The following TBC1D22B variants were observed in gnomAD, a reference collection of about 807,000 sequenced individuals.
TBC1D22B encodes chromosome 6 open reading frame 197.
In TBC1D22B, 32 loss-of-function variants were observed where a neutral mutation model predicts 69.1. The observed-to-expected ratio is 0.46, with a 90% CI of 0.35 to 0.62. The LOEUF (loss-of-function observed/expected upper bound fraction) is 0.62, where lower values mean the gene tolerates loss of function less well. TBC1D22B is among the 20% of genes least tolerant of loss of function. TBC1D22B has a pLI of 0.00. For synonymous variants in TBC1D22B, 206 were observed against 229.8 expected, an observed-to-expected ratio of 0.90 and a Z score of 0.94; for missense variants, 462 against 630.9, an observed-to-expected ratio of 0.73 and a Z score of 2.87.
chr6:37,292,617 T>G (rs1366083481), intron 8 of TBC1D22B, among the ~76,000 whole-genome samples: 1 of 152,196 alleles, frequency 6.6e-6, no homozygotes, highest in Non-Finnish European at 1.5e-5. Flanking sequence ...TCTAAAATAG[T>G]ATTGAAGAAT....
intron 1 of TBC1D22B, among the ~76,000 whole-genome samples, chr6:37,258,425 G>A (rs1475859317): frequency 6.6e-6 from 1 of 152,176 alleles, no homozygotes; most frequent in Non-Finnish European, 1.5e-5. Context: ...GGATTCCGGT[G>A]GGAGTTTGGG....
At chr6:37,261,453 A>T (rs939432236) in intron 1 of TBC1D22B, among the ~76,000 whole-genome samples, 3 of 149,066 alleles carry the variant, frequency 2.0e-5, no homozygotes, top group Non-Finnish European at 4.5e-5. Flanking sequence ...AAAAAAAAAA[A>T]TGCAGGCTCT....
intron 8 of TBC1D22B, among the ~76,000 whole-genome samples, chr6:37,305,283 T>A (rs1767677176): frequency 6.6e-6 from 1 of 152,222 alleles, no homozygotes; most frequent in African/African-American, 2.4e-5. Context: ...CCTTTTCTGC[T>A]TTTTAAAATG....
chr6:37,328,539 C>A lies in TBC1D22B; in HGVS notation c.1390-2505C>A, dbSNP rs187107973. On this transcript the variant is annotated intron_variant, in intron 12 of 12. Transcript: ENST00000373491. The stretch of plus-strand genomic sequence containing the variant: ...AAAATTCTTTGGATATTGAAAATAT[C>A]TACAAGGAATTTTTAATATTAGAGG... 3.3e-5 allele frequency among the ~76,000 whole-genome samples: 5 copies of A among 152,052 alleles called. No homozygotes were observed. In the East Asian group the frequency reaches 9.7e-4, roughly 29 times the overall value.
At chr6:37,322,512 G>A (rs1251024087) in intron 12 of TBC1D22B, among the ~76,000 whole-genome samples, 1 of 152,146 alleles carries the variant, frequency 6.6e-6, no homozygotes, top group Admixed American at 6.5e-5. Context: ...GTGAGACTCT[G>A]TCTCAAAAAA....
In TBC1D22B at chr6:37,331,148, T is replaced by C; in HGVS notation, c.1494T>C (p.Asp498=). 1 of 1,614,176 alleles carries C rather than the reference T, an allele frequency of 6.2e-7. No homozygotes were observed. Among genetic ancestry groups the C allele is most frequent in the Non-Finnish European group, 8.5e-7 (1 of 1,180,010 alleles). Residue 498 remains aspartate, a synonymous_variant, in exon 13 of 13, where the codon GAT becomes GAC. Coordinates refer to ENST00000373491, the MANE Select transcript of TBC1D22B (RefSeq NM_017772.4). The part of the protein sequence containing the change: ...EAYRLKYMFA[D]APNHYRR ...ACAGACTCAAGTACATGTTTGCCGA[T>C]GCCCCAAATCACTACCGCCGATAGG...
At chr6:37,330,895 T>G in intron 12 of TBC1D22B, 149 bp from the exon 13 acceptor site, 1 of 751,582 alleles carries the variant, frequency 1.3e-6, no homozygotes, top group Non-Finnish European at 2.2e-6. Context: ...GAAAGCTGTG[T>G]ACTGTTTGGG....
intron 12 of TBC1D22B, among the ~76,000 whole-genome samples, chr6:37,329,511 G>A (rs369309107): frequency 3.9e-5 from 6 of 152,344 alleles, no homozygotes; most frequent in African/African-American, 7.2e-5. Context: ...TAGAAGCAGA[G>A]TTGCTGGATG....
At chr6:37,277,331 A>G (rs562930866) in intron 2 of TBC1D22B, among the ~76,000 whole-genome samples, 9 of 152,312 alleles carry the variant, frequency 5.9e-5, no homozygotes, top group African/African-American at 2.2e-4. Context: ...TCGACAGCGA[A>G]TCCCCTGAGG....
chr6:37,266,292 GTATTCTTTCAGATACTCTGA>G (rs1766267936), intron 1 of TBC1D22B, among the ~76,000 whole-genome samples: 1 of 151,968 alleles, frequency 6.6e-6, no homozygotes, highest in South Asian at 2.1e-4. Flanking sequence ...AGTGTCTTTT[GTATTCTTTCAGATACTCTGA>G]TATTCTTTCA....
At chr6:37,271,173 C>T (rs990666307) in intron 2 of TBC1D22B, among the ~76,000 whole-genome samples, 1 of 151,994 alleles carries the variant, frequency 6.6e-6, no homozygotes, top group East Asian at 1.9e-4. Context: ...ATTAGCCGGG[C>T]CTGGTGGCAG....
intron 1 of TBC1D22B, among the ~76,000 whole-genome samples, chr6:37,258,956 A>C (rs1457167123): frequency 2.5e-5 from 1 of 39,922 alleles, no homozygotes; most frequent in Non-Finnish European, 4.5e-5. Flanking sequence ...TGAACTCGTG[A>C]CTTTTTTTTT....
At position 37,257,805 on chromosome 6, in the gene TBC1D22B, G is replaced by C. The variant is rs1395868956; in HGVS notation, c.-113G>C. ...GATGGCGTCCCCAGGAGCTGGGAGC[G>C]GGTGACCGGCGGCGGGGAAGCGGCC... On this transcript the variant is annotated 5_prime_UTR_variant, in exon 1 of 13. Coordinates refer to ENST00000373491, the MANE Select transcript of TBC1D22B (RefSeq NM_017772.4). The C allele has an allele frequency of 9.3e-6, 11 of 1,180,018 alleles. No individual in the cohort carries two copies. The highest frequency in any genetic ancestry group is 8.4e-6 in the Non-Finnish European group (7 of 829,048). 73.1% of individuals were successfully genotyped at this position (1,180,018 alleles called of 1,614,324 possible).
At chr6:37,300,424 C>T (rs1767529981) in intron 8 of TBC1D22B, among the ~76,000 whole-genome samples, 1 of 152,090 alleles carries the variant, frequency 6.6e-6, no homozygotes. Context: ...TGCAATGGCA[C>T]AATCTTGGCT....
At chr6:37,271,257 G>A (rs1766475018) in intron 2 of TBC1D22B, among the ~76,000 whole-genome samples, 1 of 152,142 alleles carries the variant, frequency 6.6e-6, no homozygotes, top group Non-Finnish European at 1.5e-5. Context: ...GGGTTGCAGT[G>A]GGCTGAAATC....
intron 8 of TBC1D22B, among the ~76,000 whole-genome samples, chr6:37,306,343 T>C (rs937759445): frequency 6.6e-6 from 1 of 152,226 alleles, no homozygotes; most frequent in African/African-American, 2.4e-5. Flanking sequence ...TTGAAGATAT[T>C]TGAGCCTACA....
chr6:37,285,646 C>T (rs1766986009), intron 6 of TBC1D22B, among the ~76,000 whole-genome samples: 2 of 152,204 alleles, frequency 1.3e-5, no homozygotes, highest in Admixed American at 6.5e-5. Context: ...GCGCACACCA[C>T]CACACCCAGC....
intron 12 of TBC1D22B, among the ~76,000 whole-genome samples, chr6:37,317,725 G>A (rs148927331): frequency 1.9e-4 from 29 of 152,246 alleles, no homozygotes; most frequent in Admixed American, 8.5e-4. Flanking sequence ...TTGCAATTTC[G>A]AATAAAGTAG....
intron 12 of TBC1D22B, among the ~76,000 whole-genome samples, chr6:37,325,570 G>A (rs1307550506): frequency 1.6e-4 from 19 of 115,514 alleles, no homozygotes; most frequent in African/African-American, 6.3e-4. Context: ...TTTTTTTTGA[G>A]ATGGAGTCTC....
Sources: gnomAD v4.1 joint callset for allele counts (sites outside exome capture counted in the v4.1 genomes callset) on GRCh38, gnomAD v4.1.1 for gene constraint, MANE v1.5 for transcripts, NCBI Gene and HGNC (gene_info 2026-07-23, HGNC 2026-07-21) for gene names.